Variants in SNX2 observed in about 807,000 individuals in gnomAD.
SNX2 encodes sorting nexin 2.
Under a neutral mutation model 69.9 loss-of-function variants are expected in SNX2, and 25 were observed. The ratio of observed to expected loss-of-function variants is 0.36; its 90% CI spans 0.26 to 0.50. The LOEUF (loss-of-function observed/expected upper bound fraction) is 0.50. SNX2 is among the 20% of genes least tolerant of loss of function. The probability of loss-of-function intolerance (pLI) is 0.97; values close to 1 mark genes in which losing one functional copy is unlikely to be tolerated. For missense variants in SNX2, 551 were observed against 613.3 expected (o/e 0.90, Z 1.07); for synonymous variants, 229 against 200.4 (o/e 1.14, Z -1.20).
At chr5:122,789,921 T>C (rs1310357773) in intron 1 of SNX2, among the ~76,000 whole-genome samples, 1 of 152,254 alleles carries the variant, frequency 6.6e-6, no homozygotes, top group Non-Finnish European at 1.5e-5. Context: ...AGAGAGGCTC[T>C]AGTTGGCTTA....
At chr5:122,794,347 A>G (rs1407680593) in intron 1 of SNX2, among the ~76,000 whole-genome samples, 1 of 152,184 alleles carries the variant, frequency 6.6e-6, no homozygotes, top group Admixed American at 6.5e-5. Context: ...AAGAATAGTC[A>G]TTAGCTTAGA....
At chr5:122,775,463 A>G (rs1276924918) in intron 1 of SNX2, 1 of 1,174,316 alleles carries the variant, frequency 8.5e-7, no homozygotes, top group Non-Finnish European at 1.1e-6. Flanking sequence ...CGAACCGAGC[A>G]TTGCAGCGGC....
chr5:122,813,278 A>G (rs111462105), intron 7 of SNX2, among the ~76,000 whole-genome samples: 9 of 152,240 alleles, frequency 5.9e-5, no homozygotes, highest in Admixed American at 2.6e-4. Flanking sequence ...ACATTATGTA[A>G]ACATATATAT....
chr5:122,779,346 T>A (rs1023786200), intron 1 of SNX2, among the ~76,000 whole-genome samples: 8 of 152,172 alleles, frequency 5.3e-5, no homozygotes, highest in Non-Finnish European at 1.0e-4. Flanking sequence ...CCCTCAACTG[T>A]AAGCAACCAC....
intron 1 of SNX2, among the ~76,000 whole-genome samples, chr5:122,787,683 C>T (rs747620812): frequency 1.4e-4 from 22 of 152,136 alleles, no homozygotes; most frequent in Non-Finnish European, 1.0e-4. Context: ...TTGCCCACTG[C>T]CCCACATCAT....
upstream of SNX2, chr5:122,775,068 G>T (rs960544299): frequency 5.1e-6 from 8 of 1,555,230 alleles, no homozygotes; most frequent in Non-Finnish European, 7.0e-6. Flanking sequence ...ACGGGTCCGC[G>T]AGGCCCAGCT....
intron 6 of SNX2, among the ~76,000 whole-genome samples, chr5:122,806,142 G>GCGCA: frequency 7.7e-6 from 1 of 130,584 alleles, no homozygotes; most frequent in African/African-American, 2.9e-5. Context: ...ACACGCGCGC[G>GCGCA]CACACACACA....
chr5:122,811,331 G>A (rs146027600), intron 7 of SNX2, among the ~76,000 whole-genome samples: 1 of 152,186 alleles, frequency 6.6e-6, no homozygotes, highest in Non-Finnish European at 1.5e-5. Context: ...TCACTTGCTT[G>A]GTTTTCTTGA....
intron 1 of SNX2, among the ~76,000 whole-genome samples, chr5:122,788,345 G>A (rs950672168): frequency 1.3e-5 from 2 of 152,132 alleles, no homozygotes; most frequent in Non-Finnish European, 2.9e-5. Flanking sequence ...TGAATCTAAT[G>A]TGTGTAGGCA....
intron 6 of SNX2, among the ~76,000 whole-genome samples, chr5:122,807,147 G>C (rs1205302693): frequency 6.6e-6 from 1 of 152,022 alleles, no homozygotes; most frequent in African/African-American, 2.4e-5. Context: ...GTGTGGTGGT[G>C]CGTGCTGGTG....
intron 11 of SNX2, among the ~76,000 whole-genome samples, chr5:122,821,659 G>A (rs1754028602): frequency 6.6e-6 from 1 of 152,044 alleles, no homozygotes; most frequent in South Asian, 2.1e-4. Context: ...GTTTCACCGT[G>A]TTAGCCAGGA....
Position 122,831,600 on chromosome 5 carries a change from T to G in SNX2, c.*1952T>G, listed in dbSNP as rs1243637880. Among the ~76,000 whole-genome samples the G allele has an allele frequency of 6.6e-6, 1 of 152,202 alleles. No homozygotes were observed. Among genetic ancestry groups the G allele is most frequent in the African/African-American group, 2.4e-5 (1 of 41,456 alleles). The stretch of plus-strand genomic sequence containing the variant: ...TCTTTTGTTGCTTCTGGGAATACTT[T>G]TCAGAAACGAATAATTCATAGTAAT... On this transcript the variant is annotated 3_prime_UTR_variant, in exon 15 of 15. Coordinates refer to ENST00000379516, the MANE Select transcript of SNX2 (RefSeq NM_003100.4).
chr5:122,803,152 G>A (rs1005198553), intron 5 of SNX2, among the ~76,000 whole-genome samples: 13 of 152,128 alleles, frequency 8.5e-5, no homozygotes, highest in Admixed American at 8.5e-4. Flanking sequence ...AAGTGGAGGG[G>A]TATTTGGATA....
intron 1 of SNX2, chr5:122,775,562 C>T (rs1436746690): frequency 2.0e-6 from 2 of 1,009,546 alleles, no homozygotes; most frequent in Non-Finnish European, 2.4e-6. Context: ...TCCCAGTAAA[C>T]CTCCACCGAG....
rs1385351018 is a variant in SNX2 at position 122,781,043 on chromosome 5, A to C, written c.108+5832A>C. 2.6e-5 allele frequency among the ~76,000 whole-genome samples: 4 copies of C among 152,220 alleles called. No individual in the cohort carries two copies. In the South Asian group the frequency reaches 6.2e-4, roughly 24 times the overall value. On this transcript the variant is annotated intron_variant, in intron 1 of 14. Coordinates refer to ENST00000379516, the MANE Select transcript of SNX2 (RefSeq NM_003100.4). Reference sequence around the variant, plus strand: ...GAGATTTATGAAGAAGCGTGATTCAAGTTGACCACTTTCTCTTGAAACCAT... The same window carrying C: ...GAGATTTATGAAGAAGCGTGATTCACGTTGACCACTTTCTCTTGAAACCAT...
At chr5:122,808,202 AT>A in intron 6 of SNX2, 74 bp from the exon 7 acceptor site, 1 of 944,370 alleles carries the variant, frequency 1.1e-6, no homozygotes, top group Non-Finnish European at 1.6e-6. Flanking sequence ...TGTATTTTAA[AT>A]TATGAAGAAA....
chr5:122,806,723 T>C (rs1753666746), intron 6 of SNX2, among the ~76,000 whole-genome samples: 1 of 152,108 alleles, frequency 6.6e-6, no homozygotes, highest in Non-Finnish European at 1.5e-5. Context: ...GTGGTGAGAT[T>C]TTTTTTCAGG....
In SNX2 at chr5:122,833,955, G is replaced by A. The variant is rs1413924169; in HGVS notation, c.*4307G>A. ...GTTCAATATCTACAATAAATGAATTGTAGTACTATATTGCTTGAAGGAAGT... is the reference window on the plus strand; with the variant it reads ...GTTCAATATCTACAATAAATGAATTATAGTACTATATTGCTTGAAGGAAGT... On this transcript the variant is annotated 3_prime_UTR_variant, in exon 15 of 15. Coordinates refer to ENST00000379516, the MANE Select transcript of SNX2 (RefSeq NM_003100.4). 2 of 152,168 alleles carry A rather than the reference G, an allele frequency of 1.3e-5. No individual in the cohort carries two copies. The highest frequency in any genetic ancestry group is 1.9e-4 in the East Asian group (1 of 5,200). 9.4% of individuals were successfully genotyped at this position (152,168 alleles called of 1,614,324 possible).
intron 7 of SNX2, among the ~76,000 whole-genome samples, chr5:122,809,556 C>T (rs1315258208): frequency 2.0e-5 from 3 of 152,142 alleles, no homozygotes; most frequent in Non-Finnish European, 4.4e-5. Context: ...ATTTAAGACA[C>T]AAGTTGGTAA....
Sources: allele counts gnomAD v4.1 joint callset (sites outside exome capture counted in the v4.1 genomes callset), GRCh38; gene constraint gnomAD v4.1.1; transcripts MANE v1.5; gene names NCBI Gene and HGNC (gene_info 2026-07-23, HGNC 2026-07-21).